MINDY4: variants seen among roughly 807,000 people sequenced by gnomAD.
MINDY4 encodes MINDY lysine 48 deubiquitinase 4.
Under a neutral mutation model 87.0 loss-of-function variants are expected in MINDY4, and 68 were observed. The ratio of observed to expected loss-of-function variants is 0.78; its 90% CI spans 0.64 to 0.96. The LOEUF is 0.96. MINDY4 is among the 40% of genes least tolerant of loss of function. The probability of loss-of-function intolerance (pLI) is 0.00; values close to 1 mark genes in which losing one functional copy is unlikely to be tolerated. For synonymous variants in MINDY4, 379 were observed against 363.2 expected (o/e 1.04, Z -0.50); for missense variants, 919 against 928.2 (o/e 0.99, Z 0.13).
At chr7:30,860,375 T>C (rs1789715311) in intron 13 of MINDY4, among the ~76,000 whole-genome samples, 1 of 152,112 alleles carries the variant, frequency 6.6e-6, no homozygotes, top group Non-Finnish European at 1.5e-5. Flanking sequence ...TCTGACCTTA[T>C]TAAATGCGTG....
Position 30,850,502 on chromosome 7 carries a change from C to T in MINDY4, c.1494C>T (p.Ala498=), listed in dbSNP as rs1412164500. ...DAHRTRCLVL[A]LADIVWRAGG... ...ACCGGACCCGCTGCCTCGTCCTGGC[C>T]CTCGCAGACATTGTGTGGCGGGCAG... The change falls in exon 10 of 18, where the codon GCC becomes GCT. Residue 498 remains alanine, a synonymous_variant. Coordinates refer to ENST00000265299, the MANE Select transcript of MINDY4 (RefSeq NM_032222.3). 1 of 1,612,490 alleles carries T rather than the reference C, an allele frequency of 6.2e-7. No homozygotes were observed. The highest frequency in any genetic ancestry group is 1.3e-5 in the African/African-American group (1 of 74,916).
At chr7:30,865,333 C>G (rs748620692) in intron 13 of MINDY4, among the ~76,000 whole-genome samples, 4 of 152,272 alleles carry the variant, frequency 2.6e-5, no homozygotes, top group Non-Finnish European at 5.9e-5. Context: ...CGAACTTTGA[C>G]ACTGATTCAG....
At chr7:30,881,762 T>C (rs1481662572) in intron 15 of MINDY4, among the ~76,000 whole-genome samples, 3 of 152,156 alleles carry the variant, frequency 2.0e-5, no homozygotes, top group Non-Finnish European at 2.9e-5. Context: ...TCTAGGCTAG[T>C]GGACAAGCTG....
chr7:30,771,602 G>T, intron 1 of MINDY4, 46 bp downstream of exon 1: 1 of 1,556,392 alleles, frequency 6.4e-7, no homozygotes, highest in Non-Finnish European at 8.7e-7. Flanking sequence ...CTCTAATTTG[G>T]GGGGATCATC....
At chr7:30,815,044 G>A (rs1257893649) in intron 5 of MINDY4, among the ~76,000 whole-genome samples, 7 of 152,238 alleles carry the variant, frequency 4.6e-5, no homozygotes, top group Admixed American at 3.9e-4. Flanking sequence ...CGTTGGTGCA[G>A]CTTACTTCCC....
chr7:30,836,559 C>A, intron 6 of MINDY4, 99 bp from the exon 7 acceptor site: 1 of 972,806 alleles, frequency 1.0e-6, no homozygotes, highest in South Asian at 1.5e-5. Context: ...TCACTCAAAC[C>A]TTCTACAAAC....
rs1787147102 is a variant in MINDY4 at position 30,785,894 on chromosome 7, C to G, written c.565C>G (p.Pro189Ala). The stretch of plus-strand genomic sequence containing the variant: ...GAAGATAGACAAGCTTCACTCGGAG[C>G]CTTCCTTGGATGTGAAGAGGATGGG... Reference protein sequence around the residue: ...WEKIDKLHSEPSLDVKRMGEN... With the variant: ...WEKIDKLHSEASLDVKRMGEN... The change falls in exon 4 of 18, where the codon CCT becomes GCT. Residue 189 changes from proline to alanine, a missense_variant. Transcript: ENST00000265299. 1.2e-6 allele frequency: 2 copies of G among 1,614,206 alleles called. No homozygotes were observed. Among genetic ancestry groups the G allele is most frequent in the Non-Finnish European group, 1.7e-6 (2 of 1,180,042 alleles).
At chr7:30,882,111 TCAGA>T in intron 15 of MINDY4, 66 bp from the exon 16 acceptor site, 1 of 1,458,558 alleles carries the variant, frequency 6.9e-7, no homozygotes, top group East Asian at 2.3e-5. Flanking sequence ...CTGCCTTGAG[TCAGA>T]CAGAAAAATG....
chr7:30,851,901 A>G (rs1789425278), intron 10 of MINDY4, among the ~76,000 whole-genome samples: 1 of 152,108 alleles, frequency 6.6e-6, no homozygotes, highest in African/African-American at 2.4e-5. Flanking sequence ...CTGGAAACAC[A>G]TTTGTCAGTT....
At chr7:30,849,091 C>A (rs1789318092) in intron 9 of MINDY4, among the ~76,000 whole-genome samples, 2 of 152,160 alleles carry the variant, frequency 1.3e-5, no homozygotes, top group Admixed American at 1.3e-4. Context: ...CCACAGCAGC[C>A]TAGGTGTAGG....
At chr7:30,810,162 A>G in intron 5 of MINDY4, among the ~76,000 whole-genome samples, 1 of 141,190 alleles carries the variant, frequency 7.1e-6, no homozygotes, top group East Asian at 2.0e-4. Context: ...GCGACAGAGC[A>G]AGACTCTGTT....
intron 9 of MINDY4, among the ~76,000 whole-genome samples, chr7:30,841,909 T>C (rs1789050779): frequency 6.6e-6 from 1 of 152,184 alleles, no homozygotes; most frequent in Non-Finnish European, 1.5e-5. Context: ...AAATAAGCAT[T>C]TGAGAATCTT....
chr7:30,801,769 T>C (rs1233461876), intron 5 of MINDY4, among the ~76,000 whole-genome samples: 3 of 152,176 alleles, frequency 2.0e-5, no homozygotes, highest in Non-Finnish European at 4.4e-5. Flanking sequence ...ATCTGATGCG[T>C]CTGCAGAGGA....
At chr7:30,792,355 C>A (rs1011086149) in intron 5 of MINDY4, among the ~76,000 whole-genome samples, 20 of 151,712 alleles carry the variant, frequency 1.3e-4, no homozygotes, top group African/African-American at 4.6e-4. Context: ...GATTTCCTTT[C>A]TTGCAACAGC....
intron 5 of MINDY4, chr7:30,796,675 G>A (rs1787499292): frequency 6.6e-6 from 1 of 152,136 alleles, no homozygotes; most frequent in African/African-American, 2.4e-5. Flanking sequence ...TGACTCACTT[G>A]AGCTTTTGCA....
intron 5 of MINDY4, among the ~76,000 whole-genome samples, chr7:30,821,867 T>G (rs1788340849): frequency 6.6e-6 from 1 of 152,212 alleles, no homozygotes; most frequent in African/African-American, 2.4e-5. Flanking sequence ...TTTTCCAAAT[T>G]TTAAGGAAGT....
At chr7:30,859,400 G>A (rs1789682539) in intron 13 of MINDY4, 76 bp downstream of exon 13, 1 of 1,379,242 alleles carries the variant, frequency 7.3e-7, no homozygotes, top group South Asian at 1.2e-5. Flanking sequence ...TAGAGCCCAG[G>A]ATGGTGCTTG....
intron 2 of MINDY4, among the ~76,000 whole-genome samples, chr7:30,779,232 T>A (rs957793015): frequency 6.6e-6 from 1 of 152,244 alleles, no homozygotes; most frequent in African/African-American, 2.4e-5. Context: ...GCCAATACCT[T>A]GGACACAGCA....
chr7:30,824,063 GTCTGTTTT>G (rs1385348553), intron 5 of MINDY4, among the ~76,000 whole-genome samples: 5 of 152,158 alleles, frequency 3.3e-5, no homozygotes, highest in Non-Finnish European at 5.9e-5. Flanking sequence ...AAATGTCTTA[GTCTGTTTT>G]CTGTAGCATA....
Sources: allele counts gnomAD v4.1 joint callset (sites outside exome capture counted in the v4.1 genomes callset), GRCh38; gene constraint gnomAD v4.1.1; transcripts MANE v1.5; gene names NCBI Gene and HGNC (gene_info 2026-07-23, HGNC 2026-07-21).